Variants in TRIM29 observed in about 807,000 individuals in gnomAD.
TRIM29 encodes tripartite motif containing 29, also known as tripartite motif-containing protein 29.
In TRIM29, 52 loss-of-function variants were observed where a neutral mutation model predicts 57.3. The ratio of observed to expected loss-of-function variants is 0.91; its 90% CI spans 0.73 to 1.14. The LOEUF is 1.14. TRIM29 is among the 50% of genes most tolerant of loss of function. TRIM29 has a pLI of 0.00. For synonymous variants in TRIM29, 319 were observed against 316.9 expected (o/e 1.01, Z -0.07); for missense variants, 753 against 774.6 (o/e 0.97, Z 0.33).
intron 1 of TRIM29, among the ~76,000 whole-genome samples, chr11:120,134,741 T>G (rs1283660743): frequency 1.3e-5 from 2 of 152,150 alleles, no homozygotes; most frequent in African/African-American, 2.4e-5. Context: ...TCCCATCCCC[T>G]TGGGGCCCTT....
chr11:120,121,874 G>A, intron 5 of TRIM29: 2 of 411,846 alleles, frequency 4.9e-6, no homozygotes, highest in Non-Finnish European at 5.0e-6. Flanking sequence ...CAGGGCCAGG[G>A]CGAGGCCAGG....
chr11:120,123,228 G>A (rs1345850227), intron 4 of TRIM29, 173 bp from the exon 5 acceptor site: 3 of 702,876 alleles, frequency 4.3e-6, no homozygotes, highest in Non-Finnish European at 7.8e-6. Flanking sequence ...CATTCACTCG[G>A]TTCCTGAGCT....
At chr11:120,134,223 C>T (rs1328190070) in intron 1 of TRIM29, among the ~76,000 whole-genome samples, 2 of 152,058 alleles carry the variant, frequency 1.3e-5, no homozygotes, top group African/African-American at 2.4e-5. Context: ...CCGCACCAAG[C>T]GATCTTTTTC....
chr11:120,120,800 A>C (rs569137753), intron 5 of TRIM29, 135 bp from the exon 6 acceptor site: 1 of 748,862 alleles, frequency 1.3e-6, no homozygotes, highest in East Asian at 2.7e-5. Flanking sequence ...GTCTGACATA[A>C]GTCAATCAAC....
intron 2 of TRIM29, 151 bp downstream of exon 2, chr11:120,128,249 G>A (rs1015620218): frequency 1.6e-6 from 1 of 644,576 alleles, no homozygotes; most frequent in Non-Finnish European, 2.7e-6. Context: ...AGGGGAGTTG[G>A]TGAGAATGTC....
intron 1 of TRIM29, among the ~76,000 whole-genome samples, chr11:120,131,477 C>T (rs565269176): frequency 6.6e-6 from 1 of 152,186 alleles, no homozygotes; most frequent in Non-Finnish European, 1.5e-5. Context: ...GAAGGGGAGA[C>T]TGTCTGCAGC....
rs1275932249 is a variant in TRIM29, at chr11:120,137,527, C to T, written c.505G>A (p.Glu169Lys). The change falls in exon 1 of 9, where the codon GAG (glutamate) becomes AAG (lysine). Residue 169 changes from glutamate (E) to lysine (K), a missense_variant. Coordinates refer to ENST00000341846, the MANE Select transcript of TRIM29 (RefSeq NM_012101.4). This position sits in a 1 kb window ranked among gnomAD's most constrained non-coding sequence, Gnocchi z 6.2. Reference sequence around the variant, plus strand: ...ATGCAGGAGTCGCACAGCACCTCCTCGGAGCCGGACTTGGACCGTGAAAAA... The same window carrying T: ...ATGCAGGAGTCGCACAGCACCTCCTTGGAGCCGGACTTGGACCGTGAAAAA... ...GLFSRSKSGS[E>K]EVLCDSCIGN... 1.2e-6 allele frequency: 2 copies of T among 1,605,852 alleles called. No individual in the cohort carries two copies. The highest frequency in any genetic ancestry group is 1.1e-5 in the South Asian group (1 of 91,040).
At chr11:120,118,400 T>G (rs1301450415) in intron 6 of TRIM29, 79 bp from the exon 7 acceptor site, 4 of 1,076,640 alleles carry the variant, frequency 3.7e-6, no homozygotes, top group African/African-American at 3.2e-5. Flanking sequence ...CAGCCAGGTC[T>G]ATGACTCTCT....
chr11:120,132,299 T>C (rs1863737119), intron 1 of TRIM29, among the ~76,000 whole-genome samples: 2 of 151,864 alleles, frequency 1.3e-5, no homozygotes, highest in South Asian at 4.2e-4. Flanking sequence ...CCTCAGAAAG[T>C]GGTTGAAGGC....
chr11:120,137,070 CA>C lies in TRIM29; in HGVS notation c.804+157del, dbSNP rs1316446993. 3.3e-5 allele frequency among the ~76,000 whole-genome samples: 5 copies of C among 152,054 alleles called. No individual in the cohort carries two copies. The highest frequency in any genetic ancestry group is 1.2e-4 in the African/African-American group (5 of 41,384). On this transcript the variant is annotated intron_variant, in intron 1 of 8. Transcript: ENST00000341846. This position sits in a 1 kb window ranked among gnomAD's most constrained non-coding sequence, Gnocchi z 6.2. ...GATCCCCAGCTGGGATTAGGGGGGACAGGGGGCATGAGGGGAAATAAATGTT... is the reference window on the plus strand; with the variant it reads ...GATCCCCAGCTGGGATTAGGGGGGACGGGGGCATGAGGGGAAATAAATGTT...
chr11:120,137,169 C>A lies in TRIM29; in HGVS notation c.804+59G>T. On this transcript the variant is annotated intron_variant, in intron 1 of 8. Coordinates refer to ENST00000341846, the MANE Select transcript of TRIM29 (RefSeq NM_012101.4). The surrounding 1 kb of genome is among the most constrained non-coding windows in gnomAD (Gnocchi z 6.2). Reference sequence around the variant, plus strand: ...AAGCCCGAGTGGAGAAGATGAAGTTCGGAGGGGTGGGGTGAGAGAGGAGAG... The same window carrying A: ...AAGCCCGAGTGGAGAAGATGAAGTTAGGAGGGGTGGGGTGAGAGAGGAGAG... 7 of 1,576,928 alleles carry A rather than the reference C, an allele frequency of 4.4e-6. No individual in the cohort carries two copies. Among genetic ancestry groups the A allele is most frequent in the Non-Finnish European group, 6.1e-6 (7 of 1,155,394 alleles).
chr11:120,138,060 G>A lies in TRIM29; in HGVS notation c.-29C>T, dbSNP rs1392499101. On this transcript the variant is annotated 5_prime_UTR_variant, in exon 1 of 9. Transcript: ENST00000341846. ...AGGGTGCTTGGCTGAGCTGTTTCAG[G>A]CTTGCTGGGGTTCAGGATAGGTGAC... is the stretch of plus-strand genomic sequence containing the variant. 1 of 1,559,070 alleles carries A rather than the reference G, an allele frequency of 6.4e-7. No individual in the cohort carries two copies. The highest frequency in any genetic ancestry group is 8.6e-7 in the Non-Finnish European group (1 of 1,159,684).
Position 120,138,098 on chromosome 11 carries a change from C to T in TRIM29, c.-67G>A, listed in dbSNP as rs534684530. ...CAGGATAGGTGACCTTTCTGGCAGG[C>T]GTCTCGGCAGGGAGTGGGGCAGGCA... On this transcript the variant is annotated 5_prime_UTR_variant, in exon 1 of 9. Transcript: ENST00000341846. 59 of 1,454,568 alleles carry T rather than the reference C, an allele frequency of 4.1e-5. No homozygotes were observed. In the East Asian group the frequency reaches 8.9e-4, roughly 22 times the overall value. The allele number at this position is 1,454,568 out of a possible 1,614,324, so 90.1% of individuals were successfully genotyped here. A position where few individuals can be genotyped will look rare whatever the true frequency, so the allele number is the denominator to read the frequency against.
chr11:120,115,986 G>GCAGTCAGGATTC lies in TRIM29; in HGVS notation c.1628-573_1628-572insGAATCCTGACTG, dbSNP rs201955491. 6.6e-3 allele frequency: 1,010 copies of GCAGTCAGGATTC among 153,636 alleles called. 14 individuals carry two copies. The highest frequency in any genetic ancestry group is 0.022 in the African/African-American group (900 of 41,594). 9.5% of individuals were successfully genotyped at this position (153,636 alleles called of 1,614,324 possible). A position where few individuals can be genotyped will look rare whatever the true frequency, so the allele number is the denominator to read the frequency against. ...GCCTGAGTTGCACAGCTCATAAGCA[G>GCAGTCAGGATTC]CAAACCAGGTGCTGGGGAGCACCGC... On this transcript the variant is annotated intron_variant, in intron 7 of 8. Transcript: ENST00000341846.
At chr11:120,127,039 C>G (rs1432389690) in intron 3 of TRIM29, among the ~76,000 whole-genome samples, 1 of 152,222 alleles carries the variant, frequency 6.6e-6, no homozygotes, top group Non-Finnish European at 1.5e-5. Flanking sequence ...TCTCACAACT[C>G]TTTCCTACTG....
intron 5 of TRIM29, among the ~76,000 whole-genome samples, chr11:120,122,499 C>T (rs560645618): frequency 4.4e-4 from 67 of 152,134 alleles, no homozygotes; most frequent in Non-Finnish European, 4.9e-4. Flanking sequence ...AGAGGAGGGA[C>T]CACTCTCCCT....
chr11:120,128,572 A>C, intron 1 of TRIM29, 77 bp from the exon 2 acceptor site: 1 of 1,527,344 alleles, frequency 6.5e-7, no homozygotes, highest in Non-Finnish European at 8.9e-7. Flanking sequence ...GAGCGGCTCC[A>C]CTCAGGGGGC....
At chr11:120,115,638 G>A (rs1369785015) in intron 7 of TRIM29, 3 of 555,864 alleles carry the variant, frequency 5.4e-6, no homozygotes, top group African/African-American at 1.9e-5. Flanking sequence ...AGAAGGAGGA[G>A]GAGCCGGCCA....
At position 120,123,016 on chromosome 11, in the gene TRIM29, A is replaced by G. The variant is rs1863498573; in HGVS notation, c.1373T>C (p.Phe458Ser). The G allele has an allele frequency of 6.2e-7, 1 of 1,613,978 alleles. No homozygotes were observed. Among genetic ancestry groups the G allele is most frequent in the South Asian group, 1.1e-5 (1 of 91,074 alleles). The stretch of plus-strand genomic sequence containing the variant: ...GTCCGGTGCACTCCACTCACCCCCG[A>G]AGCTGTTCGTGTAGTTGTTCACATA... ...HRYVNNYTNSFGGEWSAPDTM... is the reference protein window; with the variant it reads ...HRYVNNYTNSSGGEWSAPDTM... Residue 458 changes from phenylalanine (F) to serine (S), a missense_variant, in exon 5 of 9, where the codon TTC becomes TCC. Coordinates refer to ENST00000341846, the MANE Select transcript of TRIM29 (RefSeq NM_012101.4).
Sources: allele counts gnomAD v4.1 joint callset (sites outside exome capture counted in the v4.1 genomes callset), GRCh38; gene constraint gnomAD v4.1.1; non-coding constraint Gnocchi (gnomAD v3.1); transcripts MANE v1.5; gene names NCBI Gene and HGNC (gene_info 2026-07-23, HGNC 2026-07-21).